Variants in ALDH3A2 observed in about 807,000 individuals in gnomAD.
ALDH3A2 encodes the protein aldehyde dehydrogenase 3 family member A2.
Under a neutral mutation model 51.3 loss-of-function variants are expected in ALDH3A2, and 36 were observed. The observed-to-expected ratio is 0.70, with a 90% CI of 0.54 to 0.93. The LOEUF is 0.93. Among genes scored for constraint, ALDH3A2 ranks in the 40% least tolerant of loss-of-function variants. ALDH3A2 has a pLI of 0.00. For synonymous variants in ALDH3A2, 199 were observed against 219.8 expected, an observed-to-expected ratio of 0.91 and a Z score of 0.84; for missense variants, 552 against 603.1, an observed-to-expected ratio of 0.92 and a Z score of 0.89.
chr17:19,660,918 G>C (rs1461609731), intron 5 of ALDH3A2, among the ~76,000 whole-genome samples: 1 of 152,064 alleles, frequency 6.6e-6, no homozygotes, highest in Non-Finnish European at 1.5e-5. Context: ...ATCTCTGTGT[G>C]TGTGCATGCT....
chr17:19,667,135 A>G (rs892272199), intron 8 of ALDH3A2, among the ~76,000 whole-genome samples: 8 of 152,220 alleles, frequency 5.3e-5, no homozygotes, highest in African/African-American at 1.7e-4. Context: ...ACACACATAT[A>G]CACGGTCATC....
At chr17:19,659,336 A>G (rs1039387386) in intron 5 of ALDH3A2, among the ~76,000 whole-genome samples, 2 of 152,102 alleles carry the variant, frequency 1.3e-5, no homozygotes, top group African/African-American at 2.4e-5. Flanking sequence ...CCAGGAGTTC[A>G]AAACCAGCCT....
chr17:19,672,900 G>T (rs990470751), intron 9 of ALDH3A2, among the ~76,000 whole-genome samples: 6 of 152,058 alleles, frequency 3.9e-5, no homozygotes, highest in Admixed American at 6.6e-5. Context: ...AATTAGCCAG[G>T]CATGGTGGCA....
At chr17:19,649,270 A>G in intron 1 of ALDH3A2, 146 bp downstream of exon 1, 1 of 1,152,164 alleles carries the variant, frequency 8.7e-7, no homozygotes, top group African/African-American at 1.5e-5. Context: ...AGATAAAGCC[A>G]AAGTTCCCGC....
intron 8 of ALDH3A2, among the ~76,000 whole-genome samples, chr17:19,669,864 T>C (rs1460203307): frequency 6.6e-6 from 1 of 152,124 alleles, no homozygotes; most frequent in Admixed American, 6.5e-5. Flanking sequence ...GGTCTTGAAT[T>C]CCTGGGCTCA....
chr17:19,656,636 T>G, intron 4 of ALDH3A2, 62 bp downstream of exon 4: 1 of 1,442,996 alleles, frequency 6.9e-7, no homozygotes, highest in Non-Finnish European at 9.6e-7. Context: ...TTCCTGACAA[T>G]GTTACTCTTT....
At chr17:19,648,750 C>G (rs1268049127), upstream of ALDH3A2, 4 of 623,940 alleles carry the variant, frequency 6.4e-6, no homozygotes, top group Admixed American at 2.9e-5. Flanking sequence ...GGGTCGAGCT[C>G]AGTCCTCCCC....
In ALDH3A2 at chr17:19,676,692, A is replaced by T. The variant is rs566826498; in HGVS notation, c.*1120A>T. 1 of 152,292 alleles carries T rather than the reference A, an allele frequency of 6.6e-6. No individual in the cohort carries two copies. Among genetic ancestry groups the T allele is most frequent in the Non-Finnish European group, 1.5e-5 (1 of 68,016 alleles). 9.4% of individuals were successfully genotyped at this position (152,292 alleles called of 1,614,324 possible). On this transcript the variant is annotated 3_prime_UTR_variant, in exon 10 of 10. Coordinates refer to ENST00000176643, the MANE Select transcript of ALDH3A2 (RefSeq NM_000382.3). ...AATACTGTAATAAAAGTACTTATAA[A>T]CATACTAATCCTCTTTCAGGACCCT...
intron 5 of ALDH3A2, chr17:19,659,503 T>C (rs115790498): frequency 0.022 from 3,411 of 152,194 alleles, 67 homozygotes; most frequent in African/African-American, 0.051. Flanking sequence ...TGCATCACTG[T>C]GCTCCAGCCT....
Position 19,654,446 on chromosome 17 carries a change from C to T in ALDH3A2, c.471+1814C>T, listed in dbSNP as rs1386787832. Among the ~76,000 whole-genome samples, 1 of 152,216 alleles carries T rather than the reference C, an allele frequency of 6.6e-6. No individual in the cohort carries two copies. The highest frequency in any genetic ancestry group is 1.5e-5 in the Non-Finnish European group (1 of 68,028). On this transcript the variant is annotated intron_variant, in intron 3 of 9. Coordinates refer to ENST00000176643, the MANE Select transcript of ALDH3A2 (RefSeq NM_000382.3). The surrounding 1 kb of genome is among the most constrained non-coding windows in gnomAD (Gnocchi z 4.5). ...GCCTTGGGCATGGCGGGCTGCAGGT[C>T]CCGAGCCCTGCCCTGCGGGGAGGTG...
intron 8 of ALDH3A2, among the ~76,000 whole-genome samples, chr17:19,670,951 G>A (rs1335547479): frequency 1.3e-5 from 2 of 152,172 alleles, no homozygotes; most frequent in African/African-American, 2.4e-5. Context: ...CTTCATGAAT[G>A]ATTCCTTCCT....
intron 4 of ALDH3A2, among the ~76,000 whole-genome samples, chr17:19,657,264 G>T (rs935825241): frequency 3.9e-5 from 6 of 152,230 alleles, no homozygotes; most frequent in African/African-American, 1.2e-4. Context: ...CATAGGAAAG[G>T]TCTTCCCAAG....
At chr17:19,650,769 C>CT (rs751857761) in intron 1 of ALDH3A2, among the ~76,000 whole-genome samples, 21 of 152,072 alleles carry the variant, frequency 1.4e-4, no homozygotes, top group Non-Finnish European at 2.5e-4. Context: ...CTTGTTTTTA[C>CT]TTTTTATCTG....
rs967751381 is a variant in ALDH3A2, at chr17:19,656,562, A to G, written c.668A>G (p.Asp223Gly). The change falls in exon 4 of 10, where the codon GAC becomes GGC. Residue 223 changes from aspartate (D) to glycine (G), a missense_variant. Transcript: ENST00000176643. ...PCYIDKDCDLDIVCRRITWGK... is the reference protein window; with the variant it reads ...PCYIDKDCDLGIVCRRITWGK... ...TATATTGATAAAGATTGTGACCTGG[A>G]CATTGTTTGCAGGTGAGTCTGGCTC... 1 of 1,612,350 alleles carries G rather than the reference A, an allele frequency of 6.2e-7. No individual in the cohort carries two copies. Among genetic ancestry groups the G allele is most frequent in the Admixed American group, 1.7e-5 (1 of 59,740 alleles).
rs537043208 is a variant in ALDH3A2 at position 19,665,159 on chromosome 17, C to T, written c.1207+112C>T. The T allele has an allele frequency of 4.3e-5, 41 of 952,226 alleles. No individual in the cohort carries two copies. In the African/African-American group the frequency reaches 4.3e-4, roughly 10 times the overall value. The allele number at this position is 952,226 out of a possible 1,614,324, so 59.0% of individuals were successfully genotyped here. ...AGCTGTTGCGTACCCTGATTGTCCT[C>T]TCCTGAGGGAGACCTTTTCCTGGTC... On this transcript the variant is annotated intron_variant, in intron 8 of 9. Transcript: ENST00000176643.
chr17:19,663,520 C>T (rs1219246163), intron 7 of ALDH3A2, 21 bp downstream of exon 7: 4 of 1,612,386 alleles, frequency 2.5e-6, no homozygotes, highest in Non-Finnish European at 3.4e-6. Context: ...GAGAGAACAG[C>T]TAGTTAGCAT....
At chr17:19,665,858 T>G (rs1046755702) in intron 8 of ALDH3A2, among the ~76,000 whole-genome samples, 2 of 152,202 alleles carry the variant, frequency 1.3e-5, no homozygotes, top group African/African-American at 2.4e-5. Flanking sequence ...CCCTGTTCTA[T>G]CCTCTCCCTT....
chr17:19,648,351 G>A (rs1405900504), upstream of ALDH3A2: 1 of 152,788 alleles, frequency 6.5e-6, no homozygotes, highest in East Asian at 1.9e-4. Flanking sequence ...CTCCAACTAC[G>A]TCCATCTGGC....
chr17:19,648,525 C>T (rs2084764874), upstream of ALDH3A2: 1 of 160,414 alleles, frequency 6.2e-6, no homozygotes, highest in Admixed American at 6.4e-5. Context: ...CTGGGGCCGC[C>T]CCGGGGCGCT....
Sources: gnomAD v4.1 joint callset for allele counts (sites outside exome capture counted in the v4.1 genomes callset) on GRCh38, gnomAD v4.1.1 for gene constraint, Gnocchi (gnomAD v3.1) non-coding constraint, MANE v1.5 for transcripts, NCBI Gene and HGNC (gene_info 2026-07-23, HGNC 2026-07-21) for gene names.